The following TMCO6 variants were observed in gnomAD, a reference collection of about 807,000 sequenced individuals.
TMCO6 encodes the protein transmembrane and coiled-coil domain-containing protein 6.
Under a neutral mutation model 61.8 loss-of-function variants are expected in TMCO6, and 47 were observed. That is an observed-to-expected ratio of 0.76 (90% CI 0.60 to 0.97). The LOEUF is 0.97. Among genes scored for constraint, TMCO6 ranks in the 50% least tolerant of loss-of-function variants. The pLI is 0.00. For missense variants in TMCO6, 557 were observed against 601.6 expected (o/e 0.93, Z 0.78); for synonymous variants, 261 against 254.2 (o/e 1.03, Z -0.25).
chr5:140,629,848 G>A, the TMCO6 span, among the ~76,000 whole-genome samples: 1 of 150,318 alleles, frequency 6.7e-6, no homozygotes, highest in Middle Eastern at 3.3e-3. Context: ...CAGGAGATTT[G>A]CTTGAACCTG....
chr5:140,607,196 G>C, the TMCO6 span, among the ~76,000 whole-genome samples: 2 of 152,048 alleles, frequency 1.3e-5, no homozygotes, highest in Admixed American at 6.6e-5. Context: ...ATAACTCCCT[G>C]TCTCCTCTCC....
chr5:140,640,415 CT>C (rs779423368), intron 2 of TMCO6, among the ~76,000 whole-genome samples: 252 of 143,142 alleles, frequency 1.8e-3, no homozygotes, highest in Middle Eastern at 3.6e-3. Context: ...CTTTTCTTTT[CT>C]TTTTTTTTTT....
Position 140,642,940 on chromosome 5 carries a change from C to T in TMCO6, c.705C>T (p.Ser235=). The T allele has an allele frequency of 6.2e-7, 1 of 1,614,174 alleles. No individual in the cohort carries two copies. Among genetic ancestry groups the T allele is most frequent in the Non-Finnish European group, 8.5e-7 (1 of 1,180,038 alleles). Residue 235 remains serine (S), a synonymous_variant, in exon 7 of 12, where the codon TCC becomes TCT. Transcript: ENST00000394671. ...PEKIIPSILA[S]TLPQHMLQML... ...CTGCCAGCAGCTCCATCTTGGCCTC[C>T]ACTCTCCCTCAGCACATGCTACAAA...
chr5:140,616,846 G>T, the TMCO6 span, among the ~76,000 whole-genome samples: 3 of 142,050 alleles, frequency 2.1e-5, no homozygotes, highest in South Asian at 2.2e-4. Flanking sequence ...AGGAGTTTGA[G>T]ACCAGCCTGG....
At chr5:140,641,367 T>C (rs1561946630) in intron 2 of TMCO6, 3 of 329,538 alleles carry the variant, frequency 9.1e-6, no homozygotes, top group Non-Finnish European at 1.7e-5. Context: ...GGCTGAGAGG[T>C]TTAAATATCC....
At chr5:140,618,773 C>G in the TMCO6 span, among the ~76,000 whole-genome samples, 1 of 151,852 alleles carries the variant, frequency 6.6e-6, no homozygotes, top group East Asian at 1.9e-4. Context: ...AATCCACATG[C>G]AAAAACATGA....
At position 140,644,720 on chromosome 5, in the gene TMCO6, C is replaced by T. The variant is rs1463979858; in HGVS notation, c.1348C>T (p.Leu450=). 2 of 1,614,110 alleles carry T rather than the reference C, an allele frequency of 1.2e-6. No individual in the cohort carries two copies. Among genetic ancestry groups the T allele is most frequent in the African/African-American group, 2.7e-5 (2 of 74,944 alleles). ...VGQSLELLHL[L]FLYQPEAVQV... ...CCAGAGTTTGGAGCTGCTGCATCTG[C>T]TGTTCCTGTATCAGCCAGAGGTATA... Residue 450 remains leucine (L), a synonymous_variant, in exon 11 of 12, where the codon CTG becomes TTG. Transcript: ENST00000394671.
At chr5:140,646,035 G>A (rs1283744256), downstream of TMCO6, among the ~76,000 whole-genome samples, 2 of 147,178 alleles carry the variant, frequency 1.4e-5, no homozygotes, top group African/African-American at 5.0e-5. Flanking sequence ...TTTTGAGACG[G>A]AGTCTCGCTC....
chr5:140,601,660 G>A, the TMCO6 span, among the ~76,000 whole-genome samples: 1 of 152,158 alleles, frequency 6.6e-6, no homozygotes, highest in East Asian at 1.9e-4. Flanking sequence ...TCCTTATAAG[G>A]ATGACGTAAA....
Position 140,642,586 on chromosome 5 carries a change from T to TC in TMCO6, c.610dup (p.His204ProfsTer19), listed in dbSNP as rs1757107648. 2 of 1,613,920 alleles carry TC rather than the reference T, an allele frequency of 1.2e-6. No individual in the cohort carries two copies. Among genetic ancestry groups the TC allele is most frequent in the African/African-American group, 1.3e-5 (1 of 74,868 alleles). ...AGATCCTTACCCTGTCTACTTCCAG[T>TC]CCCCCCATGTGGCTGTGCTGGAAGC... On this transcript the variant is annotated frameshift_variant and splice_region_variant, in exon 6 of 12. Transcript: ENST00000394671. LOFTEE classifies it high-confidence loss of function.
chr5:140,647,632 C>T, downstream of TMCO6: 1 of 1,587,176 alleles, frequency 6.3e-7, no homozygotes, highest in Non-Finnish European at 8.5e-7. Flanking sequence ...GCCAAGTGCT[C>T]CGGTCTGACC....
chr5:140,629,396 T>G, the TMCO6 span, among the ~76,000 whole-genome samples: 12 of 152,244 alleles, frequency 7.9e-5, no homozygotes, highest in Non-Finnish European at 1.5e-4. Flanking sequence ...ATCTCTAGAT[T>G]ACTTATAATT....
chr5:140,610,294 T>C, the TMCO6 span, among the ~76,000 whole-genome samples: 1 of 150,506 alleles, frequency 6.6e-6, no homozygotes, highest in South Asian at 2.1e-4. Flanking sequence ...GAGATGGAGG[T>C]TGCAGTGAGC....
upstream of TMCO6, among the ~76,000 whole-genome samples, chr5:140,635,608 C>T (rs969792591): frequency 1.3e-5 from 2 of 152,126 alleles, no homozygotes; most frequent in Admixed American, 6.6e-5. Flanking sequence ...ATTTGTCTAC[C>T]GAGTACTAGG....
chr5:140,598,233 T>G, the TMCO6 span, among the ~76,000 whole-genome samples: 45,175 of 151,244 alleles, frequency 0.3, 6,943 homozygotes, highest in African/African-American at 0.31. Flanking sequence ...TAGAGACAGG[T>G]TCTTGTTTTG....
the TMCO6 span, among the ~76,000 whole-genome samples, chr5:140,601,156 T>C: frequency 1.3e-5 from 2 of 152,194 alleles, no homozygotes; most frequent in Admixed American, 6.5e-5. Context: ...TTTGTTCTAA[T>C]TGTGGTCTTA....
chr5:140,619,232 A>G, the TMCO6 span, among the ~76,000 whole-genome samples: 1 of 152,240 alleles, frequency 6.6e-6, no homozygotes, highest in Non-Finnish European at 1.5e-5. Flanking sequence ...AGTGCTCTAC[A>G]TGATGTTATT....
At chr5:140,599,795 G>A in the TMCO6 span, among the ~76,000 whole-genome samples, 1 of 152,280 alleles carries the variant, frequency 6.6e-6, no homozygotes, top group East Asian at 1.9e-4. Flanking sequence ...CAGCTAGTCG[G>A]GAGGCTGAGG....
chr5:140,613,413 A>C, the TMCO6 span, among the ~76,000 whole-genome samples: 2 of 122,370 alleles, frequency 1.6e-5, no homozygotes, highest in African/African-American at 6.0e-5. Flanking sequence ...AAAAAAAAAA[A>C]AAATGGTGGC....
Sources: gnomAD v4.1 joint callset for allele counts (sites outside exome capture counted in the v4.1 genomes callset) on GRCh38, gnomAD v4.1.1 for gene constraint, MANE v1.5 for transcripts, NCBI Gene and HGNC (gene_info 2026-07-23, HGNC 2026-07-21) for gene names.